SNTG1: variants seen among roughly 807,000 people sequenced by gnomAD.
SNTG1 encodes syntrophin gamma 1, also known as gamma-1-syntrophin.
SNTG1 carries 39 observed loss-of-function variants against 74.7 expected under a neutral mutation model. That is an observed-to-expected ratio of 0.52 (90% CI 0.40 to 0.68). The LOEUF is 0.68. SNTG1 is among the 30% of genes least tolerant of loss of function. The probability of loss-of-function intolerance (pLI) is 0.00; values close to 1 mark genes in which losing one functional copy is unlikely to be tolerated. For missense variants in SNTG1, 685 were observed against 609.5 expected (o/e 1.12, Z -1.30); for synonymous variants, 254 against 217.1 (o/e 1.17, Z -1.49).
At chr8:50,773,021 G>C (rs1286092184) in intron 18 of SNTG1, among the ~76,000 whole-genome samples, 1 of 152,070 alleles carries the variant, frequency 6.6e-6, no homozygotes, top group Non-Finnish European at 1.5e-5. Context: ...TCAGTCACCA[G>C]AGTAATGAAC....
intron 1 of SNTG1, among the ~76,000 whole-genome samples, chr8:49,976,894 T>C (rs1039096606): frequency 9.9e-5 from 15 of 152,194 alleles, no homozygotes; most frequent in Non-Finnish European, 1.9e-4. Context: ...CTGGCTACTA[T>C]GTGCAGAAAC....
intron 11 of SNTG1, among the ~76,000 whole-genome samples, chr8:50,544,113 G>T (rs1455635557): frequency 6.6e-6 from 1 of 151,608 alleles, no homozygotes; most frequent in African/African-American, 2.4e-5. Context: ...CTTACCTCTT[G>T]TAATAATTAA....
chr8:50,712,748 T>C (rs1416423523), intron 17 of SNTG1, among the ~76,000 whole-genome samples: 5 of 151,624 alleles, frequency 3.3e-5, no homozygotes, highest in Non-Finnish European at 7.4e-5. Flanking sequence ...AGCAAGAACA[T>C]GTGTTGTTTG....
intron 2 of SNTG1, among the ~76,000 whole-genome samples, chr8:50,215,207 G>T (rs535618764): frequency 6.6e-6 from 1 of 151,988 alleles, no homozygotes; most frequent in East Asian, 1.9e-4. Flanking sequence ...AGAACAATCA[G>T]CTGAGACTTT....
intron 9 of SNTG1, 32 bp downstream of exon 9, chr8:50,502,912 T>A (rs762710759): frequency 2.0e-6 from 3 of 1,495,162 alleles, no homozygotes; most frequent in Non-Finnish European, 2.8e-6. Context: ...ATAAAAGTGC[T>A]CACATCATTA....
chr8:50,079,688 T>C (rs1016351498), intron 1 of SNTG1, among the ~76,000 whole-genome samples: 1 of 152,216 alleles, frequency 6.6e-6, no homozygotes, highest in Non-Finnish European at 1.5e-5. Context: ...ACAGTTTTTA[T>C]GGTTTTAGGT....
chr8:50,632,288 T>C (rs932584883), intron 13 of SNTG1, among the ~76,000 whole-genome samples: 2 of 140,416 alleles, frequency 1.4e-5, no homozygotes, highest in East Asian at 4.0e-4. Context: ...TTTTTAATTT[T>C]ATTTATTTAT....
chr8:50,350,045 G>A (rs1029460697), intron 2 of SNTG1, among the ~76,000 whole-genome samples: 3 of 152,186 alleles, frequency 2.0e-5, no homozygotes, highest in Non-Finnish European at 2.9e-5. Context: ...GGGCAATGAG[G>A]GGCTTAGCAC....
At chr8:50,458,568 C>A (rs1407594243) in intron 8 of SNTG1, among the ~76,000 whole-genome samples, 2 of 151,880 alleles carry the variant, frequency 1.3e-5, no homozygotes, top group Non-Finnish European at 2.9e-5. Context: ...AAGAATAATA[C>A]AAGAAAAATA....
intron 2 of SNTG1, among the ~76,000 whole-genome samples, chr8:50,272,652 C>T (rs1224853560): frequency 6.6e-6 from 1 of 152,180 alleles, no homozygotes; most frequent in Non-Finnish European, 1.5e-5. Context: ...GCACTAGTAT[C>T]AGACTAGAAG....
At chr8:50,517,088 G>A (rs765691218) in intron 9 of SNTG1, among the ~76,000 whole-genome samples, 1 of 152,206 alleles carries the variant, frequency 6.6e-6, no homozygotes, top group Non-Finnish European at 1.5e-5. Flanking sequence ...CAGACTAACA[G>A]CAGATGTCTC....
At chr8:50,300,526 T>C (rs937356762) in intron 2 of SNTG1, among the ~76,000 whole-genome samples, 2 of 152,152 alleles carry the variant, frequency 1.3e-5, no homozygotes, top group East Asian at 3.8e-4. Context: ...AAGTTAAAAT[T>C]GGTATTCTTC....
At chr8:50,354,770 C>T (rs901857538) in intron 2 of SNTG1, among the ~76,000 whole-genome samples, 4 of 152,128 alleles carry the variant, frequency 2.6e-5, no homozygotes, top group African/African-American at 9.7e-5. Context: ...CTTTCTGGAG[C>T]CTGGGTCTTC....
intron 1 of SNTG1, among the ~76,000 whole-genome samples, chr8:49,939,755 G>A (rs1184575362): frequency 1.3e-5 from 2 of 152,106 alleles, no homozygotes; most frequent in East Asian, 3.8e-4. Context: ...TATATTCTAT[G>A]TTTAGCAAAG....
At chr8:50,665,536 ATAT>A (rs1192710218) in intron 15 of SNTG1, among the ~76,000 whole-genome samples, 3 of 152,030 alleles carry the variant, frequency 2.0e-5, no homozygotes, top group Non-Finnish European at 2.9e-5. Context: ...CCATTTCTCA[ATAT>A]TATTCTCCAC....
rs1038461616 is a variant in SNTG1, at chr8:50,481,338, G to T, written c.364-21440G>T. ...GGAGGTTGCAGTGAGCGGAGATCAC[G>T]CCATTGCACTCCAGCATGGGCGACA... is the stretch of plus-strand genomic sequence containing the variant. On this transcript the variant is annotated intron_variant, in intron 8 of 18. Coordinates refer to ENST00000642720, the MANE Select transcript of SNTG1 (RefSeq NM_018967.5). Among the ~76,000 whole-genome samples the T allele has an allele frequency of 3.9e-5, 6 of 152,102 alleles. No homozygotes were observed. The East Asian group carries it at 1.2e-3, about 29-fold the overall frequency.
At chr8:49,969,702 C>T (rs1185230642) in intron 1 of SNTG1, among the ~76,000 whole-genome samples, 1 of 151,996 alleles carries the variant, frequency 6.6e-6, no homozygotes, top group African/African-American at 2.4e-5. Context: ...TCGCCATTCA[C>T]TTAGTTTTTC....
intron 1 of SNTG1, among the ~76,000 whole-genome samples, chr8:50,146,270 C>A (rs1023982215): frequency 6.6e-6 from 1 of 152,070 alleles, no homozygotes; most frequent in African/African-American, 2.4e-5. Context: ...GTAATCCCAG[C>A]ACTTTGGGAG....
chr8:50,107,830 C>A (rs1586306562), intron 1 of SNTG1, among the ~76,000 whole-genome samples: 1 of 152,114 alleles, frequency 6.6e-6, no homozygotes, highest in South Asian at 2.1e-4. Context: ...GGATTACAGG[C>A]ATGAACCACC....
Sources: gnomAD v4.1 joint callset for allele counts (sites outside exome capture counted in the v4.1 genomes callset) on GRCh38, gnomAD v4.1.1 for gene constraint, MANE v1.5 for transcripts, NCBI Gene and HGNC (gene_info 2026-07-23, HGNC 2026-07-21) for gene names.